The following KCNIP4 variants were observed in gnomAD, a reference collection of about 807,000 sequenced individuals.
KCNIP4 encodes Kv channel-interacting protein 4.
A neutral mutation model predicts 34.0 loss-of-function variants in KCNIP4; 12 were observed. That is an observed-to-expected ratio of 0.35 (90% CI 0.23 to 0.57). The LOEUF (loss-of-function observed/expected upper bound fraction) is 0.57. Among genes scored for constraint, KCNIP4 ranks in the 20% least tolerant of loss-of-function variants. The pLI is 0.83. For synonymous variants in KCNIP4, 124 were observed against 102.2 expected (o/e 1.21, Z -1.29); for missense variants, 238 against 311.7 (o/e 0.76, Z 1.78).
chr4:21,671,267 C>T (rs1266400216), intron 1 of KCNIP4, among the ~76,000 whole-genome samples: 1 of 152,118 alleles, frequency 6.6e-6, no homozygotes, highest in African/African-American at 2.4e-5. Context: ...TGAAGGCAAA[C>T]AAACATTCTT....
intron 1 of KCNIP4, among the ~76,000 whole-genome samples, chr4:21,182,966 T>C (rs1194869639): frequency 2.0e-5 from 3 of 152,132 alleles, no homozygotes; most frequent in African/African-American, 4.8e-5. Flanking sequence ...ATTCCTCCTA[T>C]CTAAATGAAA....
In KCNIP4 at chr4:20,728,787, CCTGATTTATTGTTGCAAAGACAG is replaced by C. The variant is rs1479100784; in HGVS notation, c.*1272_*1294del. On this transcript the variant is annotated 3_prime_UTR_variant, in exon 9 of 9. Coordinates refer to ENST00000382152, the MANE Select transcript of KCNIP4 (RefSeq NM_025221.6). ...TCCTATCTCTACACCAGAATAGATA[CCTGATTTATTGTTGCAAAGACAG>C]TTGCAAATTTCCTCCTTCTGTAGCC... The C allele has an allele frequency of 1.3e-5, 2 of 152,548 alleles. No individual in the cohort carries two copies. The highest frequency in any genetic ancestry group is 2.9e-5 in the Non-Finnish European group (2 of 68,038). 9.4% of individuals were successfully genotyped at this position (152,548 alleles called of 1,614,324 possible).
intron 1 of KCNIP4, among the ~76,000 whole-genome samples, chr4:21,367,831 T>C (rs1719937199): frequency 1.4e-5 from 2 of 147,708 alleles, no homozygotes; most frequent in South Asian, 4.2e-4. Flanking sequence ...AAACACAGAA[T>C]CTCTGGGAAG....
intron 1 of KCNIP4, among the ~76,000 whole-genome samples, chr4:21,770,895 C>T (rs1046595993): frequency 1.2e-4 from 19 of 152,060 alleles, no homozygotes; most frequent in African/African-American, 3.4e-4. Flanking sequence ...CTGTAGGCTG[C>T]CTGTTCCCTC....
At position 20,909,686 on chromosome 4, in the gene KCNIP4, A is replaced by C. The variant is rs1306217461; in HGVS notation, c.62-26977T>G. ...GCCTGCCTGCACTATAAAGATTGAA[A>C]AAAGTTAATACTCACTTCCCTGTCT... On this transcript the variant is annotated intron_variant, in intron 1 of 8. Coordinates refer to ENST00000382152, the MANE Select transcript of KCNIP4 (RefSeq NM_025221.6). 2.6e-5 allele frequency among the ~76,000 whole-genome samples: 4 copies of C among 152,190 alleles called. No individual in the cohort carries two copies. In the East Asian group the frequency reaches 5.8e-4, roughly 22 times the overall value.
intron 1 of KCNIP4, among the ~76,000 whole-genome samples, chr4:21,071,149 T>A (rs1467592616): frequency 6.6e-6 from 1 of 152,190 alleles, no homozygotes; most frequent in East Asian, 1.9e-4. Context: ...CTTGTATGGA[T>A]CATGTCTAAG....
chr4:21,067,763 C>G (rs1308980807), intron 1 of KCNIP4, among the ~76,000 whole-genome samples: 2 of 152,082 alleles, frequency 1.3e-5, no homozygotes, highest in African/African-American at 4.8e-5. Context: ...AAGCTCAGCA[C>G]AGAGAGAGAC....
chr4:21,279,502 C>T (rs1560246458), intron 1 of KCNIP4, among the ~76,000 whole-genome samples: 3 of 142,826 alleles, frequency 2.1e-5, no homozygotes, highest in Non-Finnish European at 4.6e-5. Context: ...TATATATATA[C>T]ATACATACAT....
chr4:21,113,241 CT>C (rs937452688), intron 1 of KCNIP4, among the ~76,000 whole-genome samples: 1 of 152,026 alleles, frequency 6.6e-6, no homozygotes, highest in Non-Finnish European at 1.5e-5. Flanking sequence ...GAAACAAGTT[CT>C]TTCAAAAGTA....
At chr4:21,550,510 A>C (rs1432237210) in intron 1 of KCNIP4, among the ~76,000 whole-genome samples, 1 of 152,036 alleles carries the variant, frequency 6.6e-6, no homozygotes, top group Non-Finnish European at 1.5e-5. Context: ...CTTCTCTTGC[A>C]ATGGGTCATT....
chr4:21,527,136 G>A lies in KCNIP4; in HGVS notation c.61+421435C>T, dbSNP rs577207294. 1.1e-4 allele frequency among the ~76,000 whole-genome samples: 17 copies of A among 152,194 alleles called. No individual in the cohort carries two copies. The East Asian group carries it at 3.1e-3, about 28-fold the overall frequency. On this transcript the variant is annotated intron_variant, in intron 1 of 8. Transcript: ENST00000382152. ...GCATTCAGATAATGCCTAGGCTGCC[G>A]TTTCCATTTGAGTAAAGTAATGGTA...
At chr4:21,572,083 C>T (rs1231104138) in intron 1 of KCNIP4, among the ~76,000 whole-genome samples, 1 of 152,036 alleles carries the variant, frequency 6.6e-6, no homozygotes, top group Non-Finnish European at 1.5e-5. Context: ...ATTACTATAA[C>T]CAAATGCTCT....
At chr4:21,806,144 C>A (rs571401237) in intron 1 of KCNIP4, among the ~76,000 whole-genome samples, 1 of 152,242 alleles carries the variant, frequency 6.6e-6, no homozygotes, top group South Asian at 2.1e-4. Flanking sequence ...ATACTCTGGA[C>A]CTCTTCCAAA....
chr4:21,143,787 T>A (rs1752149261), intron 1 of KCNIP4, among the ~76,000 whole-genome samples: 1 of 151,380 alleles, frequency 6.6e-6, no homozygotes, highest in Non-Finnish European at 1.5e-5. Context: ...CACTGCAACC[T>A]CCACCTCCCA....
intron 1 of KCNIP4, among the ~76,000 whole-genome samples, chr4:20,929,379 C>A (rs1409330533): frequency 1.3e-5 from 2 of 151,964 alleles, no homozygotes; most frequent in Non-Finnish European, 2.9e-5. Flanking sequence ...AAGAAAATTT[C>A]TCAACATAAT....
intron 1 of KCNIP4, among the ~76,000 whole-genome samples, chr4:21,200,356 ATATATATATACATACATATATGTGTG>A (rs1756392651): frequency 9.3e-6 from 1 of 107,302 alleles, no homozygotes; most frequent in African/African-American, 5.7e-5. Context: ...ATATGTGTGT[ATATATATATACATACATATATGTGTG>A]TATATATATA....
intron 1 of KCNIP4, among the ~76,000 whole-genome samples, chr4:21,281,805 C>T (rs1345655733): frequency 1.3e-5 from 2 of 152,142 alleles, no homozygotes; most frequent in Non-Finnish European, 2.9e-5. Context: ...TCTGAAATTG[C>T]CAACTGAACT....
intron 1 of KCNIP4, among the ~76,000 whole-genome samples, chr4:21,468,842 A>G (rs1364259116): frequency 6.6e-6 from 1 of 152,174 alleles, no homozygotes; most frequent in Non-Finnish European, 1.5e-5. Flanking sequence ...TTATTCAAGC[A>G]AAACAGCTTT....
rs1730039803 is a variant in KCNIP4, at chr4:21,467,099, CACACACACACACACACACAA to C, written c.61+481452_61+481471del. Among the ~76,000 whole-genome samples, 3 of 148,192 alleles carry C rather than the reference CACACACACACACACACACAA, an allele frequency of 2.0e-5. 1 individual carries two copies. The highest frequency in any genetic ancestry group is 4.5e-5 in the Non-Finnish European group (3 of 66,372). ...ACACACACACACACACACACACACA[CACACACACACACACACACAA>C]AACAGAACATAATAAAACAAACTGG... On this transcript the variant is annotated intron_variant, in intron 1 of 8. Transcript: ENST00000382152.
Sources: allele counts gnomAD v4.1 joint callset (sites outside exome capture counted in the v4.1 genomes callset), GRCh38; gene constraint gnomAD v4.1.1; transcripts MANE v1.5; gene names NCBI Gene and HGNC (gene_info 2026-07-23, HGNC 2026-07-21).